BCL2L1: variants seen among roughly 807,000 people sequenced by gnomAD.
BCL2L1 encodes bcl-2-like protein 1.
BCL2L1 carries 1 observed loss-of-function variant against 18.7 expected under a neutral mutation model. The ratio of observed to expected loss-of-function variants is 0.05; its 90% confidence interval spans 0.02 to 0.25. BCL2L1 has a LOEUF of 0.25. BCL2L1 is among the 10% of genes least tolerant of loss of function. BCL2L1 has a pLI of 1.00. For missense variants in BCL2L1, 207 were observed against 304.9 expected (o/e 0.68, Z 2.39); for synonymous variants, 103 against 122.7 (o/e 0.84, Z 1.06).
At chr20:31,682,952 C>T (rs1192433760) in intron 2 of BCL2L1, among the ~76,000 whole-genome samples, 1 of 152,150 alleles carries the variant, frequency 6.6e-6, no homozygotes, top group African/African-American at 2.4e-5. Flanking sequence ...CCACCACCTC[C>T]ACTGCTATTA....
chr20:31,680,744 T>G (rs2060844709), intron 2 of BCL2L1, among the ~76,000 whole-genome samples: 2 of 152,130 alleles, frequency 1.3e-5, no homozygotes, highest in Non-Finnish European at 2.9e-5. Flanking sequence ...AAGCAGTGAC[T>G]AAATAGAATG....
chr20:31,712,524 G>C (rs1475624414), intron 2 of BCL2L1, among the ~76,000 whole-genome samples: 1 of 152,224 alleles, frequency 6.6e-6, no homozygotes, highest in Non-Finnish European at 1.5e-5. Context: ...ACTGGAGTAA[G>C]AGGGAGGGAC....
At chr20:31,698,564 G>A (rs548024570) in intron 2 of BCL2L1, among the ~76,000 whole-genome samples, 6 of 151,110 alleles carry the variant, frequency 4.0e-5, no homozygotes, top group South Asian at 2.1e-4. Flanking sequence ...TTTTGGAGAC[G>A]GTCTCGCTTT....
rs544933628 is a variant in BCL2L1 at position 31,676,969 on chromosome 20, C to T, written c.565-10883G>A. Among the ~76,000 whole-genome samples, 824 of 152,244 alleles carry T rather than the reference C, an allele frequency of 5.4e-3. 6 individuals carry two copies. The highest frequency in any genetic ancestry group is 7.1e-3 in the Non-Finnish European group (482 of 68,016). On this transcript the variant is annotated intron_variant, in intron 2 of 2. Coordinates refer to ENST00000307677, the MANE Select transcript of BCL2L1 (RefSeq NM_138578.3). ...GCTGGTCTTAGTTCTGCTCTCTCTC[C>T]GCTGCTGCTCTCCTGCTCTCCTCCA...
chr20:31,710,772 T>G (rs922935983), intron 2 of BCL2L1, among the ~76,000 whole-genome samples: 4 of 152,256 alleles, frequency 2.6e-5, no homozygotes, highest in Non-Finnish European at 5.9e-5. Flanking sequence ...CACCAAGTGT[T>G]TGAGGTCTAT....
At chr20:31,693,050 G>A (rs1285858784) in intron 2 of BCL2L1, among the ~76,000 whole-genome samples, 1 of 144,458 alleles carries the variant, frequency 6.9e-6, no homozygotes, top group Non-Finnish European at 1.5e-5. Flanking sequence ...CAGCCTGGGC[G>A]AGAAAGTGGG....
At chr20:31,701,622 GTTTTC>G (rs1312249189) in intron 2 of BCL2L1, among the ~76,000 whole-genome samples, 3 of 152,282 alleles carry the variant, frequency 2.0e-5, no homozygotes, top group East Asian at 1.9e-4. Flanking sequence ...GATTGGTCCA[GTTTTC>G]TTTTAAGTGG....
intron 2 of BCL2L1, among the ~76,000 whole-genome samples, chr20:31,718,403 C>G (rs2061572650): frequency 2.0e-5 from 3 of 152,188 alleles, no homozygotes; most frequent in Admixed American, 2.0e-4. Flanking sequence ...TGCCTGTAAT[C>G]CCAGCATTTT....
At chr20:31,707,306 T>A (rs2061382387) in intron 2 of BCL2L1, among the ~76,000 whole-genome samples, 1 of 152,208 alleles carries the variant, frequency 6.6e-6, no homozygotes, top group African/African-American at 2.4e-5. Context: ...GCCTGAAAGT[T>A]CACTCCTGGA....
chr20:31,677,933 AGAG>A lies in BCL2L1; in HGVS notation c.565-11850_565-11848del, dbSNP rs575652695. Among the ~76,000 whole-genome samples the A allele has an allele frequency of 7.9e-5, 12 of 152,294 alleles. No homozygotes were observed. In the East Asian group the frequency reaches 2.3e-3, roughly 29 times the overall value. On this transcript the variant is annotated intron_variant, in intron 2 of 2. Transcript: ENST00000307677. ...CTGAGTGTTGGACAGAGAGGAGGGA[AGAG>A]AAGAAAGGCCAGTTCCCACTCTCTT... is the stretch of plus-strand genomic sequence containing the variant.
At chr20:31,694,979 G>A (rs1027311781) in intron 2 of BCL2L1, among the ~76,000 whole-genome samples, 4 of 152,178 alleles carry the variant, frequency 2.6e-5, no homozygotes, top group Admixed American at 2.0e-4. Flanking sequence ...GCCCTAGCAG[G>A]AAATCACTAT....
chr20:31,685,977 A>G (rs2060949750), intron 2 of BCL2L1, among the ~76,000 whole-genome samples: 1 of 152,162 alleles, frequency 6.6e-6, no homozygotes, highest in Non-Finnish European at 1.5e-5. Flanking sequence ...TTGTTCACCC[A>G]TTAGCATATC....
At chr20:31,708,804 AAGTT>A (rs1470542977) in intron 2 of BCL2L1, among the ~76,000 whole-genome samples, 4 of 152,146 alleles carry the variant, frequency 2.6e-5, no homozygotes, top group Admixed American at 6.5e-5. Context: ...GGCAGCAAGA[AAGTT>A]AGGCCCCTTT....
intron 2 of BCL2L1, among the ~76,000 whole-genome samples, chr20:31,674,456 C>T (rs1328479882): frequency 6.6e-6 from 1 of 152,198 alleles, no homozygotes; most frequent in Non-Finnish European, 1.5e-5. Context: ...TGATGCAGTA[C>T]TCTGCTCAGT....
chr20:31,696,665 C>T (rs2061175826), intron 2 of BCL2L1, among the ~76,000 whole-genome samples: 1 of 152,192 alleles, frequency 6.6e-6, no homozygotes, highest in African/African-American at 2.4e-5. Context: ...GTAATCGCAG[C>T]ACTTTGGGAC....
chr20:31,709,853 A>AAAAAAAG (rs1424283687), intron 2 of BCL2L1, among the ~76,000 whole-genome samples: 2 of 150,428 alleles, frequency 1.3e-5, no homozygotes, highest in Middle Eastern at 6.9e-3. Flanking sequence ...AAAAAAAAAA[A>AAAAAAAG]AAAAAAAAAA....
At chr20:31,668,483 T>A (rs1178575673) in intron 2 of BCL2L1, among the ~76,000 whole-genome samples, 1 of 151,906 alleles carries the variant, frequency 6.6e-6, no homozygotes, top group Non-Finnish European at 1.5e-5. Flanking sequence ...ATTTTTATAT[T>A]TTTAGTAGAG....
At chr20:31,705,359 G>T (rs1159267865) in intron 2 of BCL2L1, among the ~76,000 whole-genome samples, 1 of 152,024 alleles carries the variant, frequency 6.6e-6, no homozygotes, top group Non-Finnish European at 1.5e-5. Context: ...ACCCTATGAA[G>T]TATTATTATT....
intron 2 of BCL2L1, among the ~76,000 whole-genome samples, chr20:31,701,127 C>T (rs2061271381): frequency 6.6e-6 from 1 of 152,012 alleles, no homozygotes. Context: ...GATCTCAGCT[C>T]ACTGCAACCT....
Sources: allele counts gnomAD v4.1 joint callset (sites outside exome capture counted in the v4.1 genomes callset), GRCh38; gene constraint gnomAD v4.1.1; transcripts MANE v1.5; gene names NCBI Gene and HGNC (gene_info 2026-07-23, HGNC 2026-07-21).